Variants in SHROOM3 observed in about 807,000 individuals in gnomAD.
SHROOM3 encodes the protein shroom family member 3.
SHROOM3 carries 47 observed loss-of-function variants against 138.6 expected under a neutral mutation model. That is an observed-to-expected ratio of 0.34 (90% CI 0.27 to 0.43). The LOEUF (loss-of-function observed/expected upper bound fraction) is 0.43, where lower values mean the gene tolerates loss of function less well. SHROOM3 is among the 20% of genes least tolerant of loss of function. The pLI, the probability that SHROOM3 is intolerant of heterozygous loss-of-function variation, is 1.00. For missense variants in SHROOM3, 2,491 were observed against 2,596.5 expected (o/e 0.96, Z 0.88); for synonymous variants, 1,062 against 1,063.3 (o/e 1.00, Z 0.02).
At chr4:76,715,837 T>G (rs1454236746) in intron 3 of SHROOM3, among the ~76,000 whole-genome samples, 4 of 152,214 alleles carry the variant, frequency 2.6e-5, no homozygotes, top group African/African-American at 9.6e-5. Context: ...CTTAGGAAGA[T>G]GCGGTGAGAT....
At chr4:76,474,085 A>G (rs1731433805) in intron 1 of SHROOM3, among the ~76,000 whole-genome samples, 1 of 152,252 alleles carries the variant, frequency 6.6e-6, no homozygotes, top group Non-Finnish European at 1.5e-5. Context: ...TGGTGTACTC[A>G]TTGATGAAAT....
At chr4:76,564,078 A>G (rs1733650469) in intron 2 of SHROOM3, among the ~76,000 whole-genome samples, 1 of 152,156 alleles carries the variant, frequency 6.6e-6, no homozygotes, top group African/African-American at 2.4e-5. Context: ...TGTCTCCTGA[A>G]GAGCTGTGAC....
intron 10 of SHROOM3, among the ~76,000 whole-genome samples, chr4:76,774,716 T>G (rs6857364): frequency 7.4e-4 from 99 of 133,696 alleles, no homozygotes; most frequent in East Asian, 3.0e-3. Flanking sequence ...GGGGTTTTTT[T>G]TTTGTTTTTT....
At chr4:76,672,691 A>G (rs1718920433) in intron 2 of SHROOM3, among the ~76,000 whole-genome samples, 2 of 152,078 alleles carry the variant, frequency 1.3e-5, no homozygotes, top group East Asian at 3.9e-4. Flanking sequence ...TCCTGCCTCA[A>G]CCTCCTGAGT....
chr4:76,454,221 T>C (rs1421348337), intron 1 of SHROOM3, among the ~76,000 whole-genome samples: 1 of 152,180 alleles, frequency 6.6e-6, no homozygotes, highest in Non-Finnish European at 1.5e-5. Context: ...TTTTTGTATT[T>C]TTAGTAGAGA....
chr4:76,549,189 A>G (rs969537672), intron 1 of SHROOM3, among the ~76,000 whole-genome samples: 1 of 152,158 alleles, frequency 6.6e-6, no homozygotes, highest in Non-Finnish European at 1.5e-5. Flanking sequence ...AATTGTGTGG[A>G]TAATTGGTAC....
At chr4:76,667,216 G>A (rs1260436860) in intron 2 of SHROOM3, among the ~76,000 whole-genome samples, 1 of 152,150 alleles carries the variant, frequency 6.6e-6, no homozygotes, top group African/African-American at 2.4e-5. Flanking sequence ...ATGAATGCTG[G>A]TGATGGTTGC....
chr4:76,755,030 A>G lies in SHROOM3; in HGVS notation c.4547A>G (p.Lys1516Arg). 1 of 1,606,414 alleles carries G rather than the reference A, an allele frequency of 6.2e-7. No homozygotes were observed. The highest frequency in any genetic ancestry group is 8.5e-7 in the Non-Finnish European group (1 of 1,174,456). ...GTGTTTGTGAGGGATCCGCACCCCA[A>G]GGCCACGTCCAGCCCCACATTTGAA... ...DEVFVRDPHP[K>R]ATSSPTFEPL... The change falls in exon 7 of 11, where the codon AAG becomes AGG. Residue 1516 changes from lysine to arginine, a missense_variant. By Grantham distance (26) the Lys-to-Arg change is conservative. Around this residue, in one of 4 missense-constraint regions of SHROOM3, gnomAD observed 470 missense variants for 595.0 expected, o/e 0.79. Transcript: ENST00000296043.
rs370078119 is a variant in SHROOM3, at chr4:76,531,259, C to G, written c.169-24350C>G. 4.4e-4 allele frequency among the ~76,000 whole-genome samples: 67 copies of G among 152,262 alleles called. 4 individuals are homozygous for G. Among genetic ancestry groups the G allele is most frequent in the African/African-American group, 1.6e-3 (67 of 41,548 alleles). ...CACCAGCATCACAAAGCGACTCAGCCATAGTCACTCTCCAAATAAAAAAAT... is the reference window on the plus strand; with the variant it reads ...CACCAGCATCACAAAGCGACTCAGCGATAGTCACTCTCCAAATAAAAAAAT... On this transcript the variant is annotated intron_variant, in intron 1 of 10. Transcript: ENST00000296043.
chr4:76,479,475 G>A (rs1289263215), intron 1 of SHROOM3, among the ~76,000 whole-genome samples: 1 of 152,080 alleles, frequency 6.6e-6, no homozygotes, highest in Non-Finnish European at 1.5e-5. Context: ...AAAAATAGGG[G>A]ACTATGTGGA....
At chr4:76,565,075 C>T (rs1228146960) in intron 2 of SHROOM3, among the ~76,000 whole-genome samples, 3 of 149,902 alleles carry the variant, frequency 2.0e-5, no homozygotes, top group Non-Finnish European at 3.0e-5. Flanking sequence ...GCAGGAGAAT[C>T]GCTTGAACCC....
intron 2 of SHROOM3, among the ~76,000 whole-genome samples, chr4:76,665,250 C>T (rs1039791319): frequency 2.6e-5 from 4 of 152,310 alleles, no homozygotes; most frequent in East Asian, 3.9e-4. Context: ...TTGGCTGCAG[C>T]TTTACCTATG....
At chr4:76,537,904 C>T (rs1011504223) in intron 1 of SHROOM3, among the ~76,000 whole-genome samples, 1 of 152,088 alleles carries the variant, frequency 6.6e-6, no homozygotes, top group African/African-American at 2.4e-5. Flanking sequence ...TTTAATTGTA[C>T]ATTTTATCTT....
chr4:76,480,780 A>G (rs907320989), intron 1 of SHROOM3, among the ~76,000 whole-genome samples: 7 of 152,172 alleles, frequency 4.6e-5, no homozygotes, highest in Non-Finnish European at 1.0e-4. Flanking sequence ...CATAACAAAC[A>G]ATCTCTCAGA....
chr4:76,731,008 TCTC>T, intron 4 of SHROOM3, 73 bp downstream of exon 4: 1 of 1,587,712 alleles, frequency 6.3e-7, no homozygotes, highest in Non-Finnish European at 8.6e-7. Flanking sequence ...AATGTTTTCT[TCTC>T]TGTTTTGAGA....
chr4:76,593,319 G>T (rs1238094550), intron 2 of SHROOM3, among the ~76,000 whole-genome samples: 1 of 152,158 alleles, frequency 6.6e-6, no homozygotes, highest in African/African-American at 2.4e-5. Context: ...AAGCCCTTTG[G>T]GGTTAAGAAA....
intron 1 of SHROOM3, among the ~76,000 whole-genome samples, chr4:76,489,238 A>T (rs1194634345): frequency 6.6e-6 from 1 of 152,056 alleles, no homozygotes; most frequent in African/African-American, 2.4e-5. Flanking sequence ...AAGATATGCA[A>T]TTTTTTTTCT....
chr4:76,484,049 G>A (rs187959371), intron 1 of SHROOM3, among the ~76,000 whole-genome samples: 27 of 152,158 alleles, frequency 1.8e-4, no homozygotes, highest in East Asian at 1.5e-3. Context: ...GTAGATTGAC[G>A]GGTTGATGGG....
Position 76,454,732 on chromosome 4 carries a change from T to C in SHROOM3, c.168+18512T>C, listed in dbSNP as rs566111840. On this transcript the variant is annotated intron_variant, in intron 1 of 10. Transcript: ENST00000296043. ...CATTGGGATTTTGATGGAGATTACA[T>C]TGAATCTGTAGATTGTTTTGGTTAC... Among the ~76,000 whole-genome samples, 4 of 152,316 alleles carry C rather than the reference T, an allele frequency of 2.6e-5. No individual in the cohort carries two copies. In the East Asian group the frequency reaches 5.8e-4, roughly 22 times the overall value.
Sources: allele counts gnomAD v4.1 joint callset (sites outside exome capture counted in the v4.1 genomes callset), GRCh38; gene constraint gnomAD v4.1.1; regional missense constraint gnomAD v4.1.1; transcripts MANE v1.5; gene names NCBI Gene and HGNC (gene_info 2026-07-23, HGNC 2026-07-21).